TTLL5: variants seen among roughly 807,000 people sequenced by gnomAD.
TTLL5 encodes tubulin polyglutamylase TTLL5.
Under a neutral mutation model 168.4 loss-of-function variants are expected in TTLL5, and 132 were observed. That is an observed-to-expected ratio of 0.78 (90% CI 0.68 to 0.91). The LOEUF (loss-of-function observed/expected upper bound fraction) is 0.91. Among genes scored for constraint, TTLL5 ranks in the 40% least tolerant of loss-of-function variants. The probability of loss-of-function intolerance (pLI) is 0.00; values close to 1 mark genes in which losing one functional copy is unlikely to be tolerated. For synonymous variants in TTLL5, 546 were observed against 558.6 expected, an observed-to-expected ratio of 0.98 and a Z score of 0.32; for missense variants, 1,545 against 1,581.5, an observed-to-expected ratio of 0.98 and a Z score of 0.39.
rs1165623003 is a variant in TTLL5 at position 75,783,204 on chromosome 14, G to C, written c.2660G>C (p.Gly887Ala). 2 of 1,613,800 alleles carry C rather than the reference G, an allele frequency of 1.2e-6. No individual in the cohort carries two copies. Among genetic ancestry groups the C allele is most frequent in the African/African-American group, 2.7e-5 (2 of 74,878 alleles). The change falls in exon 26 of 32, where the codon GGT becomes GCT. Residue 887 changes from glycine to alanine, a missense_variant. Transcript: ENST00000298832. Reference sequence around the variant, plus strand: ...TTAGTTTATAGCAATTCCTCCTCTGGTCCTACTGCTACTCTGCAGAAAATT... The same window carrying C: ...TTAGTTTATAGCAATTCCTCCTCTGCTCCTACTGCTACTCTGCAGAAAATT... ...AKLVYSNSSSGPTATLQKIPN... is the reference protein window; with the variant it reads ...AKLVYSNSSSAPTATLQKIPN...
chr14:75,939,415 TTACTC>T (rs1346431874), intron 31 of TTLL5, among the ~76,000 whole-genome samples: 1 of 152,172 alleles, frequency 6.6e-6, no homozygotes, highest in African/African-American at 2.4e-5. Context: ...TTAGACAGCT[TTACTC>T]TGTCATTCAG....
At chr14:75,826,559 T>C (rs1361783729) in intron 28 of TTLL5, among the ~76,000 whole-genome samples, 1 of 152,194 alleles carries the variant, frequency 6.6e-6, no homozygotes, top group Non-Finnish European at 1.5e-5. Context: ...TTTAACTGTT[T>C]ACTTTATAAT....
At chr14:75,914,403 A>G (rs1367155191) in intron 31 of TTLL5, among the ~76,000 whole-genome samples, 2 of 152,124 alleles carry the variant, frequency 1.3e-5, no homozygotes, top group Non-Finnish European at 1.5e-5. Context: ...TCTGAAAAAT[A>G]GTCCATTTCC....
chr14:75,738,536 T>A (rs183517646), intron 15 of TTLL5, among the ~76,000 whole-genome samples: 1 of 152,324 alleles, frequency 6.6e-6, no homozygotes, highest in Non-Finnish European at 1.5e-5. Flanking sequence ...AACTGATTAA[T>A]GTGGCTCTGT....
chr14:75,824,846 A>T (rs995113055), intron 28 of TTLL5, among the ~76,000 whole-genome samples: 7 of 151,900 alleles, frequency 4.6e-5, no homozygotes, highest in African/African-American at 1.7e-4. Context: ...TGCCTCTGTT[A>T]TAAGGGAATT....
chr14:75,891,889 T>G (rs1427786952), intron 30 of TTLL5, among the ~76,000 whole-genome samples: 1 of 152,218 alleles, frequency 6.6e-6, no homozygotes, highest in African/African-American at 2.4e-5. Flanking sequence ...GTCTTGGAGT[T>G]GTTCATAGGG....
intron 18 of TTLL5, among the ~76,000 whole-genome samples, chr14:75,763,470 A>G (rs1028822363): frequency 6.6e-6 from 1 of 152,156 alleles, no homozygotes; most frequent in African/African-American, 2.4e-5. Context: ...GAAAGGTCCT[A>G]AATAGACCAA....
chr14:75,873,471 C>T (rs1006313729), intron 29 of TTLL5, among the ~76,000 whole-genome samples: 2 of 152,190 alleles, frequency 1.3e-5, no homozygotes, highest in African/African-American at 4.8e-5. Flanking sequence ...CACCATTCTA[C>T]TTTCTGTGAG....
rs989514373 is a variant in TTLL5 at position 75,868,786 on chromosome 14, G to A, written c.3522+4924G>A. Among the ~76,000 whole-genome samples the A allele has an allele frequency of 1.2e-4, 19 of 152,208 alleles. No homozygotes were observed. The South Asian group carries it at 3.5e-3, about 28-fold the overall frequency. ...CTCCTGCAGGAATGAATTCTGTTTC[G>A]CCAAGCCTTCAGCTGCTGTGTGTTT... On this transcript the variant is annotated intron_variant, in intron 29 of 31. Coordinates refer to ENST00000298832, the MANE Select transcript of TTLL5 (RefSeq NM_015072.5).
Position 75,771,032 on chromosome 14 carries a change from T to C in TTLL5, c.2016-702T>C, listed in dbSNP as rs527301686. Among the ~76,000 whole-genome samples the C allele has an allele frequency of 4.8e-4, 73 of 152,364 alleles. 1 individual carries two copies. The highest frequency in any genetic ancestry group is 2.7e-3 in the Admixed American group (42 of 15,302). On this transcript the variant is annotated intron_variant, in intron 20 of 31. Transcript: ENST00000298832. ...TTTTGTACTAACTGATAAGTTCTTA[T>C]GGACCTCCAAATGTAAAAAACATTT...
intron 26 of TTLL5, among the ~76,000 whole-genome samples, chr14:75,789,040 T>A (rs989274868): frequency 6.6e-6 from 1 of 152,096 alleles, no homozygotes; most frequent in African/African-American, 2.4e-5. Context: ...TCGATAAAAT[T>A]CTGCACTCAT....
intron 18 of TTLL5, among the ~76,000 whole-genome samples, chr14:75,762,953 C>T (rs1352713190): frequency 6.6e-6 from 1 of 152,062 alleles, no homozygotes; most frequent in Middle Eastern, 3.2e-3. Context: ...GAATTAACTT[C>T]CACTCATTTA....
rs146762598 is a variant in TTLL5 at position 75,772,760 on chromosome 14, T to C, written c.2136+906T>C. Among the ~76,000 whole-genome samples the C allele has an allele frequency of 9.5e-3, 1,435 of 151,712 alleles. 27 individuals are homozygous for C. Among genetic ancestry groups the C allele is most frequent in the African/African-American group, 0.033 (1,366 of 41,348 alleles). On this transcript the variant is annotated intron_variant, in intron 21 of 31. Coordinates refer to ENST00000298832, the MANE Select transcript of TTLL5 (RefSeq NM_015072.5). ...TCAGCTCACTGCAACCTCCGCTTCC[T>C]GGGTTCAAGCTATTCTCCTGCCTTA...
chr14:75,908,307 G>A (rs1399091866), intron 31 of TTLL5, among the ~76,000 whole-genome samples: 4 of 152,258 alleles, frequency 2.6e-5, no homozygotes, highest in East Asian at 1.9e-4. Context: ...GCATGTGGCC[G>A]ATGGCAGTGG....
intron 17 of TTLL5, among the ~76,000 whole-genome samples, chr14:75,751,886 G>A (rs535080118): frequency 1.3e-5 from 2 of 152,340 alleles, no homozygotes; most frequent in African/African-American, 4.8e-5. Context: ...TCCATAGGCA[G>A]AGCAGCCCCG....
intron 27 of TTLL5, among the ~76,000 whole-genome samples, chr14:75,807,078 CTTGGCAG>C (rs1893700437): frequency 6.6e-6 from 1 of 152,194 alleles, no homozygotes; most frequent in Non-Finnish European, 1.5e-5. Flanking sequence ...AGGCCTTTCA[CTTGGCAG>C]TCATCACATG....
intron 27 of TTLL5, among the ~76,000 whole-genome samples, chr14:75,811,191 G>GTGTA (rs1210929128): frequency 7.0e-6 from 1 of 142,762 alleles, no homozygotes; most frequent in South Asian, 2.2e-4. Context: ...GTGTGTGTAT[G>GTGTA]TGTGTGTGTG....
At chr14:75,791,451 A>G (rs1375362683) in intron 26 of TTLL5, among the ~76,000 whole-genome samples, 4 of 152,190 alleles carry the variant, frequency 2.6e-5, no homozygotes, top group African/African-American at 9.7e-5. Flanking sequence ...GGAAATATCT[A>G]TATTAGGATA....
chr14:75,871,675 G>GGTTT (rs762902946), intron 29 of TTLL5, among the ~76,000 whole-genome samples: 1 of 152,134 alleles, frequency 6.6e-6, no homozygotes, highest in Non-Finnish European at 1.5e-5. Flanking sequence ...CGTGGCCTGT[G>GGTTT]GTTTGTTTGT....
Sources: allele counts gnomAD v4.1 joint callset (sites outside exome capture counted in the v4.1 genomes callset), GRCh38; gene constraint gnomAD v4.1.1; transcripts MANE v1.5; gene names NCBI Gene and HGNC (gene_info 2026-07-23, HGNC 2026-07-21).